PLCE1: variants seen among roughly 807,000 people sequenced by gnomAD.
PLCE1 encodes the protein 1-phosphatidylinositol 4,5-bisphosphate phosphodiesterase epsilon-1.
A neutral mutation model predicts 242.8 loss-of-function variants in PLCE1; 119 were observed. That is an observed-to-expected ratio of 0.49 (90% CI 0.42 to 0.57). The LOEUF (loss-of-function observed/expected upper bound fraction) is 0.57. Ranked by LOEUF, PLCE1 falls within the 20% of genes least tolerant of loss-of-function variation. PLCE1 has a pLI of 0.00. For synonymous variants in PLCE1, 945 were observed against 1,017.4 expected (o/e 0.93, Z 1.35); for missense variants, 2,441 against 2,788.8 (o/e 0.88, Z 2.81).
intron 2 of PLCE1, among the ~76,000 whole-genome samples, chr10:94,103,718 G>A (rs1322740357): frequency 6.6e-6 from 1 of 152,104 alleles, no homozygotes; most frequent in Non-Finnish European, 1.5e-5. Context: ...GCAAACTCAA[G>A]CATCTTGCCT....
intron 24 of PLCE1, among the ~76,000 whole-genome samples, chr10:94,299,161 C>T (rs1400515407): frequency 6.6e-6 from 1 of 152,156 alleles, no homozygotes; most frequent in Non-Finnish European, 1.5e-5. Context: ...AAAAGGAAAA[C>T]AACTATGTGA....
chr10:94,020,350 T>C (rs2134363844), intron 1 of PLCE1, among the ~76,000 whole-genome samples: 1 of 152,320 alleles, frequency 6.6e-6, no homozygotes, highest in Admixed American at 6.5e-5. Flanking sequence ...AATAGGGTAA[T>C]TTGTCTTATG....
intron 22 of PLCE1, among the ~76,000 whole-genome samples, chr10:94,291,383 A>C (rs2052641242): frequency 6.6e-6 from 1 of 152,172 alleles, no homozygotes; most frequent in Admixed American, 6.5e-5. Flanking sequence ...ATCTATATCT[A>C]AAATAAGCAT....
intron 2 of PLCE1, among the ~76,000 whole-genome samples, chr10:94,072,288 GTT>G (rs1260917515): frequency 1.3e-5 from 2 of 148,592 alleles, no homozygotes; most frequent in Non-Finnish European, 3.0e-5. Context: ...TGTTTTTTTT[GTT>G]TTTTTAGATG....
At chr10:94,232,585 T>G (rs1013757965) in intron 5 of PLCE1, among the ~76,000 whole-genome samples, 1 of 152,152 alleles carries the variant, frequency 6.6e-6, no homozygotes, top group African/African-American at 2.4e-5. Context: ...TTACTCTCTC[T>G]AATTTTTTCC....
chr10:94,133,256 A>T (rs114847014), intron 3 of PLCE1, among the ~76,000 whole-genome samples: 1 of 152,332 alleles, frequency 6.6e-6, no homozygotes, highest in Non-Finnish European at 1.5e-5. Flanking sequence ...AAAGGACAAG[A>T]TAGGCAGGCA....
chr10:94,217,460 C>A (rs1019577407), intron 4 of PLCE1, among the ~76,000 whole-genome samples: 5 of 152,080 alleles, frequency 3.3e-5, no homozygotes, highest in Non-Finnish European at 7.4e-5. Context: ...ATAAGTAGGA[C>A]CCTATTCTAG....
chr10:94,154,906 AT>A (rs1453803766), intron 3 of PLCE1, among the ~76,000 whole-genome samples: 1 of 147,886 alleles, frequency 6.8e-6, no homozygotes, highest in Non-Finnish European at 1.5e-5. Flanking sequence ...ATATATATAT[AT>A]ATATTTATTT....
intron 3 of PLCE1, among the ~76,000 whole-genome samples, chr10:94,152,325 A>G (rs542416535): frequency 2.7e-4 from 41 of 152,364 alleles, no homozygotes; most frequent in African/African-American, 8.9e-4. Flanking sequence ...GATTAGATAC[A>G]TCGCATAGGT....
At position 94,127,660 on chromosome 10, in the gene PLCE1, C is replaced by G. The variant is rs138085466; in HGVS notation, c.1207-4514C>G. ...CTCATCATCACTGTCATCATAAAAACTAGTATTTGTTGAGCATTTACTAAG... is the reference window on the plus strand; with the variant it reads ...CTCATCATCACTGTCATCATAAAAAGTAGTATTTGTTGAGCATTTACTAAG... On this transcript the variant is annotated intron_variant, in intron 2 of 32. Coordinates refer to ENST00000371380, the MANE Select transcript of PLCE1 (RefSeq NM_016341.4). Among the ~76,000 whole-genome samples, 46 of 152,302 alleles carry G rather than the reference C, an allele frequency of 3.0e-4. No individual in the cohort carries two copies. The East Asian group carries it at 8.7e-3, about 29-fold the overall frequency.
At chr10:94,119,059 C>G (rs1007294711) in intron 2 of PLCE1, among the ~76,000 whole-genome samples, 3 of 152,172 alleles carry the variant, frequency 2.0e-5, no homozygotes, top group Non-Finnish European at 2.9e-5. Context: ...AGTCCTAAGT[C>G]CTCGCCCACC....
At chr10:94,184,850 T>C (rs954298084) in intron 4 of PLCE1, among the ~76,000 whole-genome samples, 42 of 152,212 alleles carry the variant, frequency 2.8e-4, no homozygotes, top group Non-Finnish European at 4.3e-4. Context: ...TTGCTTATTT[T>C]TTTTTTTCTA....
intron 1 of PLCE1, among the ~76,000 whole-genome samples, chr10:94,010,456 G>A (rs1158090138): frequency 6.6e-6 from 1 of 152,192 alleles, no homozygotes; most frequent in African/African-American, 2.4e-5. Context: ...AATCTCTTTA[G>A]CAAGTGGTTG....
intron 4 of PLCE1, among the ~76,000 whole-genome samples, chr10:94,176,297 G>A (rs1292980467): frequency 6.6e-6 from 1 of 152,138 alleles, no homozygotes; most frequent in Non-Finnish European, 1.5e-5. Context: ...CTACTTGGGA[G>A]GCTGAGGTGG....
At chr10:94,143,016 C>T (rs367546626) in intron 3 of PLCE1, among the ~76,000 whole-genome samples, 34 of 152,174 alleles carry the variant, frequency 2.2e-4, no homozygotes, top group Admixed American at 7.9e-4. Context: ...GACAAATAAA[C>T]GTGCAAATTT....
chr10:94,063,046 A>T (rs2044102518), intron 2 of PLCE1, among the ~76,000 whole-genome samples: 1 of 151,702 alleles, frequency 6.6e-6, no homozygotes, highest in Non-Finnish European at 1.5e-5. Flanking sequence ...GTTGTCTTTG[A>T]TCCAATCCCC....
At chr10:94,250,456 A>C (rs2050836556) in intron 8 of PLCE1, among the ~76,000 whole-genome samples, 1 of 148,062 alleles carries the variant, frequency 6.8e-6, no homozygotes, top group Non-Finnish European at 1.5e-5. Flanking sequence ...AGCCAAGATC[A>C]CACCACTGCA....
At chr10:94,135,971 T>C (rs932763) in intron 3 of PLCE1, among the ~76,000 whole-genome samples, 114,116 of 152,112 alleles carry the variant, frequency 0.75, 44,141 homozygotes, top group African/African-American at 0.93. Flanking sequence ...TAACGAGATG[T>C]TTATAAATGG....
chr10:94,304,538 G>A lies in PLCE1; in HGVS notation c.5515G>A (p.Val1839Ile). 3.7e-6 allele frequency: 6 copies of A among 1,614,032 alleles called. No homozygotes were observed. Among genetic ancestry groups the A allele is most frequent in the Non-Finnish European group, 5.1e-6 (6 of 1,179,874 alleles). The stretch of plus-strand genomic sequence containing the variant: ...TGAGGCAAATGGTGGTTGTGGTTAT[G>A]TATTGAAACCTCCAGTTCTGTGGGA... ...MFEANGGCGY[V>I]LKPPVLWDKN... The change falls in exon 25 of 33, where the codon GTA becomes ATA. Residue 1839 changes from valine to isoleucine, a missense_variant. Around this residue, in one of 5 missense-constraint regions of PLCE1, gnomAD observed 1,004 missense variants for 1,322.7 expected, o/e 0.76. Coordinates refer to ENST00000371380, the MANE Select transcript of PLCE1 (RefSeq NM_016341.4).
Sources: allele counts gnomAD v4.1 joint callset (sites outside exome capture counted in the v4.1 genomes callset), GRCh38; gene constraint gnomAD v4.1.1; regional missense constraint gnomAD v4.1.1; transcripts MANE v1.5; gene names NCBI Gene and HGNC (gene_info 2026-07-23, HGNC 2026-07-21).